Variants in TBC1D15 observed in about 807,000 individuals in gnomAD.
TBC1D15 encodes the protein TBC1 domain family member 15.
In TBC1D15, 39 loss-of-function variants were observed where a neutral mutation model predicts 95.4. That is an observed-to-expected ratio of 0.41 (90% CI 0.32 to 0.53). TBC1D15 has a LOEUF of 0.53. Among genes scored for constraint, TBC1D15 ranks in the 20% least tolerant of loss-of-function variants. The probability of loss-of-function intolerance (pLI) is 0.29; values close to 1 mark genes in which losing one functional copy is unlikely to be tolerated. For missense variants in TBC1D15, 733 were observed against 794.3 expected, an observed-to-expected ratio of 0.92 and a Z score of 0.93; for synonymous variants, 258 against 261.3, an observed-to-expected ratio of 0.99 and a Z score of 0.12.
At chr12:71,862,243 G>C (rs992018556) in intron 1 of TBC1D15, among the ~76,000 whole-genome samples, 1 of 151,636 alleles carries the variant, frequency 6.6e-6, no homozygotes. Context: ...TTGATTTTCT[G>C]CCTAAATGAT....
intron 14 of TBC1D15, among the ~76,000 whole-genome samples, chr12:71,920,386 A>G (rs1201507895): frequency 1.3e-5 from 2 of 152,186 alleles, no homozygotes; most frequent in African/African-American, 2.4e-5. Flanking sequence ...GATACTTCAG[A>G]AAAATATTGA....
intron 14 of TBC1D15, among the ~76,000 whole-genome samples, chr12:71,918,800 A>C (rs1842078951): frequency 6.6e-6 from 1 of 152,216 alleles, no homozygotes; most frequent in South Asian, 2.1e-4. Flanking sequence ...CAAGTGCTCT[A>C]GACCATTTGC....
chr12:71,854,162 T>C (rs763700327), intron 1 of TBC1D15, among the ~76,000 whole-genome samples: 8 of 152,222 alleles, frequency 5.3e-5, no homozygotes, highest in Non-Finnish European at 8.8e-5. Flanking sequence ...ATTGTATTGC[T>C]CACTTCATTT....
chr12:71,871,064 TA>T (rs1158160930), intron 1 of TBC1D15, among the ~76,000 whole-genome samples: 1 of 152,104 alleles, frequency 6.6e-6, no homozygotes, highest in Non-Finnish European at 1.5e-5. Flanking sequence ...TTTTCATAAT[TA>T]AAAAAATTTT....
At chr12:71,891,598 A>C (rs1897215832) in intron 5 of TBC1D15, among the ~76,000 whole-genome samples, 1 of 152,138 alleles carries the variant, frequency 6.6e-6, no homozygotes, top group African/African-American at 2.4e-5. Flanking sequence ...TGACTGATGT[A>C]CTTTTTAAGT....
At chr12:71,884,677 GA>G (rs1895876722) in intron 4 of TBC1D15, 133 bp from the exon 5 acceptor site, 2 of 666,576 alleles carry the variant, frequency 3.0e-6, no homozygotes. Flanking sequence ...AATACAGGTG[GA>G]AGCCATAATA....
At chr12:71,911,667 A>G (rs1902387677) in intron 11 of TBC1D15, among the ~76,000 whole-genome samples, 1 of 151,220 alleles carries the variant, frequency 6.6e-6, no homozygotes, top group South Asian at 2.1e-4. Context: ...AGATATACCT[A>G]ATGCTAAATG....
At chr12:71,891,203 A>T (rs566210479) in intron 5 of TBC1D15, among the ~76,000 whole-genome samples, 8 of 152,310 alleles carry the variant, frequency 5.3e-5, no homozygotes, top group Admixed American at 3.9e-4. Context: ...TGGGTATACA[A>T]GCATTGTTCA....
chr12:71,869,126 A>G (rs1892119845), intron 1 of TBC1D15, among the ~76,000 whole-genome samples: 1 of 152,338 alleles, frequency 6.6e-6, no homozygotes, highest in Middle Eastern at 3.4e-3. Context: ...GCTAAAATCT[A>G]CTTATTTAAC....
At chr12:71,884,729 T>C (rs1592758862) in intron 4 of TBC1D15, 82 bp from the exon 5 acceptor site, 3 of 1,311,556 alleles carry the variant, frequency 2.3e-6, no homozygotes, top group East Asian at 2.5e-5. Context: ...AACTAATTTA[T>C]GTTAGGCAGT....
At chr12:71,918,624 A>G in intron 14 of TBC1D15, 76 bp downstream of exon 14, 1 of 934,910 alleles carries the variant, frequency 1.1e-6, no homozygotes, top group Non-Finnish European at 1.6e-6. Context: ...GTGTAAATGA[A>G]TTATGATAGC....
chr12:71,841,555 T>G (rs1885010012), intron 1 of TBC1D15, among the ~76,000 whole-genome samples: 1 of 152,212 alleles, frequency 6.6e-6, no homozygotes, highest in South Asian at 2.1e-4. Flanking sequence ...TGGTTGCATG[T>G]TAAACATACT....
intron 5 of TBC1D15, 146 bp downstream of exon 5, chr12:71,885,167 T>G: frequency 1.5e-6 from 1 of 686,048 alleles, no homozygotes; most frequent in Non-Finnish European, 2.4e-6. Context: ...TATTGATTTC[T>G]TTGGAACAAT....
intron 1 of TBC1D15, among the ~76,000 whole-genome samples, chr12:71,858,133 C>T (rs142728823): frequency 1.3e-5 from 2 of 151,386 alleles, no homozygotes; most frequent in South Asian, 2.1e-4. Context: ...AGTGCAGTGG[C>T]GTGACCTCGG....
intron 1 of TBC1D15, among the ~76,000 whole-genome samples, chr12:71,864,652 G>A (rs1236138934): frequency 5.3e-5 from 8 of 151,806 alleles, no homozygotes; most frequent in African/African-American, 9.7e-5. Flanking sequence ...GATTACAGGC[G>A]CCTGCCACCA....
rs12826035 is a variant in TBC1D15, at chr12:71,868,363, A to C, written c.31-3707A>C. 6.2e-3 allele frequency among the ~76,000 whole-genome samples: 933 copies of C among 150,518 alleles called. 5 individuals are homozygous for C. Among genetic ancestry groups the C allele is most frequent in the Non-Finnish European group, 7.4e-3 (505 of 67,852 alleles). On this transcript the variant is annotated intron_variant, in intron 1 of 16. Transcript: ENST00000485960. ...TGGGTTCACTCCATTCTCCTGCCTC[A>C]GCCTCCCGAGTAGCTGGGACTACAG...
intron 1 of TBC1D15, among the ~76,000 whole-genome samples, chr12:71,866,117 G>T (rs1307986950): frequency 1.3e-5 from 2 of 152,076 alleles, no homozygotes; most frequent in Non-Finnish European, 2.9e-5. Flanking sequence ...AGGGAAGGGT[G>T]TACCAACTTT....
intron 5 of TBC1D15, among the ~76,000 whole-genome samples, chr12:71,887,159 A>T (rs1173224560): frequency 7.6e-6 from 1 of 131,932 alleles, no homozygotes; most frequent in Non-Finnish European, 1.6e-5. Flanking sequence ...TTGAAACCGG[A>T]TCATTGTATT....
intron 1 of TBC1D15, among the ~76,000 whole-genome samples, chr12:71,868,461 C>T (rs1057068727): frequency 1.3e-5 from 2 of 151,876 alleles, no homozygotes; most frequent in Admixed American, 6.6e-5. Flanking sequence ...TTAGCCAGGA[C>T]GGTCTCGATC....
Sources: gnomAD v4.1 joint callset for allele counts (sites outside exome capture counted in the v4.1 genomes callset) on GRCh38, gnomAD v4.1.1 for gene constraint, MANE v1.5 for transcripts, NCBI Gene and HGNC (gene_info 2026-07-23, HGNC 2026-07-21) for gene names.